PJA2: variants seen among roughly 807,000 people sequenced by gnomAD.
PJA2 encodes the protein praja ring finger ubiquitin ligase 2.
A neutral mutation model predicts 69.3 loss-of-function variants in PJA2; 25 were observed. The observed-to-expected ratio is 0.36, with a 90% CI of 0.26 to 0.50. The LOEUF (loss-of-function observed/expected upper bound fraction) is 0.50. PJA2 is among the 20% of genes least tolerant of loss of function. PJA2 has a pLI of 0.96. For missense variants in PJA2, 809 were observed against 830.2 expected (o/e 0.97, Z 0.31); for synonymous variants, 308 against 277.8 (o/e 1.11, Z -1.08).
intron 4 of PJA2, 24 bp downstream of exon 4, chr5:109,378,180 A>T (rs1202542818): frequency 6.5e-7 from 1 of 1,546,564 alleles, no homozygotes; most frequent in Non-Finnish European, 8.8e-7. Flanking sequence ...ACACAATCGG[A>T]AAAAGTACTG....
At chr5:109,344,847 T>C in intron 7 of PJA2, 28 bp from the exon 8 acceptor site, 3 of 1,420,684 alleles carry the variant, frequency 2.1e-6, no homozygotes, top group Non-Finnish European at 3.0e-6. Context: ...CAGTTCTTTG[T>C]TAGAAATACT....
chr5:109,353,691 C>T (rs537046748), intron 7 of PJA2, among the ~76,000 whole-genome samples: 2 of 147,880 alleles, frequency 1.4e-5, no homozygotes, highest in Admixed American at 6.7e-5. Context: ...ATATTAGATA[C>T]CTATTATATC....
chr5:109,400,960 G>A (rs909692632), intron 1 of PJA2, among the ~76,000 whole-genome samples: 2 of 152,018 alleles, frequency 1.3e-5, no homozygotes, highest in Non-Finnish European at 2.9e-5. Context: ...TCCAGCCTGG[G>A]AGACAAAGCA....
chr5:109,401,518 G>C (rs1050956088), intron 1 of PJA2, among the ~76,000 whole-genome samples: 6 of 152,088 alleles, frequency 3.9e-5, no homozygotes, highest in Non-Finnish European at 7.4e-5. Context: ...ATTTGATACT[G>C]ACAGCAGAAA....
intron 7 of PJA2, among the ~76,000 whole-genome samples, chr5:109,345,454 T>C (rs372356695): frequency 6.9e-6 from 1 of 144,236 alleles, no homozygotes; most frequent in East Asian, 2.0e-4. Context: ...GAGGCAGAGG[T>C]TGCAGTGAGC....
chr5:109,360,472 T>A (rs2126997574), intron 6 of PJA2, among the ~76,000 whole-genome samples: 1 of 152,100 alleles, frequency 6.6e-6, no homozygotes, highest in African/African-American at 2.4e-5. Context: ...CAAAAAAAAA[T>A]GTGCCAAAGT....
intron 1 of PJA2, among the ~76,000 whole-genome samples, chr5:109,407,020 C>T (rs1230471159): frequency 6.6e-6 from 1 of 152,118 alleles, no homozygotes; most frequent in Non-Finnish European, 1.5e-5. Flanking sequence ...TAAGTGCTTT[C>T]CTAGTCCTGA....
chr5:109,344,135 C>G, intron 9 of PJA2, 55 bp downstream of exon 9: 1 of 891,548 alleles, frequency 1.1e-6, no homozygotes, highest in Non-Finnish European at 1.6e-6. Flanking sequence ...CTATTATTCA[C>G]TTGCAGAAGA....
At chr5:109,396,700 C>T (rs575486291) in intron 1 of PJA2, among the ~76,000 whole-genome samples, 36 of 134,760 alleles carry the variant, frequency 2.7e-4, no homozygotes, top group African/African-American at 8.8e-4. Flanking sequence ...GCTAGGATTA[C>T]GGGGATGAGC....
intron 5 of PJA2, among the ~76,000 whole-genome samples, chr5:109,365,085 A>G (rs1378304081): frequency 1.3e-5 from 2 of 152,214 alleles, no homozygotes; most frequent in Non-Finnish European, 2.9e-5. Flanking sequence ...GGCAAAAGCT[A>G]TAGATTAGGT....
intron 1 of PJA2, among the ~76,000 whole-genome samples, chr5:109,394,803 C>A (rs1301813330): frequency 6.6e-6 from 1 of 152,160 alleles, no homozygotes; most frequent in Admixed American, 6.5e-5. Flanking sequence ...AAAACAAGAT[C>A]TCATGAAAAT....
intron 5 of PJA2, among the ~76,000 whole-genome samples, chr5:109,364,545 C>T (rs1762554420): frequency 1.3e-5 from 2 of 149,116 alleles, no homozygotes; most frequent in Non-Finnish European, 3.0e-5. Flanking sequence ...ATGGCGTGAA[C>T]CCGGGAGGCG....
chr5:109,365,149 T>C (rs1044988450), intron 5 of PJA2, among the ~76,000 whole-genome samples: 2 of 152,206 alleles, frequency 1.3e-5, no homozygotes, highest in Non-Finnish European at 2.9e-5. Flanking sequence ...CTCCTAAACA[T>C]GTACAATGTG....
In PJA2 at chr5:109,337,095, A is replaced by C. The variant is rs1039116719; in HGVS notation, c.*136T>G. ...AACCTAAATTTAGTTTAGAAAGGTT[A>C]ATATTCTTTCTAAACTATGGCATAT... On this transcript the variant is annotated 3_prime_UTR_variant, in exon 10 of 10. Transcript: ENST00000361189. 12 of 816,206 alleles carry C rather than the reference A, an allele frequency of 1.5e-5. No homozygotes were observed. Among genetic ancestry groups the C allele is most frequent in the Middle Eastern group, 4.2e-4 (1 of 2,358 alleles). The allele number at this position is 816,206 out of a possible 1,614,324, so 50.6% of individuals were successfully genotyped here.
intron 1 of PJA2, among the ~76,000 whole-genome samples, chr5:109,396,866 T>G (rs1747428101): frequency 2.0e-5 from 3 of 151,842 alleles, no homozygotes. Flanking sequence ...ACTAAAAGTC[T>G]ACTAAAGAAA....
In PJA2 at chr5:109,355,905, A is replaced by G; in HGVS notation, c.1764+10T>C. 1.3e-6 allele frequency: 2 copies of G among 1,587,516 alleles called. No homozygotes were observed. Among genetic ancestry groups the G allele is most frequent in the Non-Finnish European group, 1.7e-6 (2 of 1,157,616 alleles). On this transcript the variant is annotated intron_variant, in intron 7 of 9. Coordinates refer to ENST00000361189, the MANE Select transcript of PJA2 (RefSeq NM_014819.5). Reference sequence around the variant, plus strand: ...CAACTTATATATGGAGATCAGAGTTATGAACATACCTCCATAGCCTGGGCT... The same window carrying G: ...CAACTTATATATGGAGATCAGAGTTGTGAACATACCTCCATAGCCTGGGCT...
chr5:109,393,191 G>A (rs527348579), intron 1 of PJA2, among the ~76,000 whole-genome samples: 1 of 152,118 alleles, frequency 6.6e-6, no homozygotes, highest in African/African-American at 2.4e-5. Flanking sequence ...CTGCTGAGAC[G>A]CACTCCAGAA....
chr5:109,346,626 A>G (rs1248539443), intron 7 of PJA2, among the ~76,000 whole-genome samples: 1 of 152,246 alleles, frequency 6.6e-6, no homozygotes, highest in Non-Finnish European at 1.5e-5. Context: ...TGAACCTTGA[A>G]GACATTATGC....
At chr5:109,354,089 T>TGTG (rs1762345021) in intron 7 of PJA2, among the ~76,000 whole-genome samples, 3 of 51,512 alleles carry the variant, frequency 5.8e-5, no homozygotes, top group Non-Finnish European at 1.1e-4. Context: ...ATTAGATATC[T>TGTG]ATATCTAGAG....
Sources: gnomAD v4.1 joint callset for allele counts (sites outside exome capture counted in the v4.1 genomes callset) on GRCh38, gnomAD v4.1.1 for gene constraint, MANE v1.5 for transcripts, NCBI Gene and HGNC (gene_info 2026-07-23, HGNC 2026-07-21) for gene names.